The following SEC61B variants were observed in gnomAD, a reference collection of about 807,000 sequenced individuals.
SEC61B encodes SEC61 translocon subunit beta.
Under a neutral mutation model 12.6 loss-of-function variants are expected in SEC61B, and 7 were observed. That is an observed-to-expected ratio of 0.55 (90% CI 0.32 to 1.04). SEC61B has a LOEUF of 1.04. Among genes scored for constraint, SEC61B ranks in the 50% least tolerant of loss-of-function variants. The pLI is 0.05. For synonymous variants in SEC61B, 54 were observed against 50.1 expected (o/e 1.08, Z -0.33); for missense variants, 107 against 130.1 (o/e 0.82, Z 0.86).
chr9:99,225,248 A>T (rs1258236406), intron 2 of SEC61B, among the ~76,000 whole-genome samples: 1 of 152,240 alleles, frequency 6.6e-6, no homozygotes, highest in Non-Finnish European at 1.5e-5. Flanking sequence ...AAGGAAAATA[A>T]GACAATGTAA....
At chr9:99,225,592 G>C (rs2119017798) in intron 2 of SEC61B, among the ~76,000 whole-genome samples, 1 of 152,264 alleles carries the variant, frequency 6.6e-6, no homozygotes, top group South Asian at 2.1e-4. Flanking sequence ...TTACACAGTG[G>C]CCAGAAAGAA....
Position 99,222,536 on chromosome 9 carries a change from C to T in SEC61B, c.4-10C>T, listed in dbSNP as rs1416319001. ...CGCTCACCCGTCTGTCTGCTTGTCT[C>T]CCTCTACAGCCTGGTCCGACCCCCA... On this transcript the variant is annotated splice_polypyrimidine_tract_variant and intron_variant, in intron 1 of 3. Coordinates refer to ENST00000223641, the MANE Select transcript of SEC61B (RefSeq NM_006808.3). The T allele has an allele frequency of 3.8e-6, 6 of 1,595,556 alleles. No homozygotes were observed. Among genetic ancestry groups the T allele is most frequent in the South Asian group, 1.1e-5 (1 of 89,404 alleles).
chr9:99,223,550 C>T (rs891316547), intron 2 of SEC61B, among the ~76,000 whole-genome samples: 18 of 152,250 alleles, frequency 1.2e-4, no homozygotes, highest in Admixed American at 1.0e-3. Flanking sequence ...CGTGCCACCA[C>T]ACCCAGCTAA....
intron 3 of SEC61B, among the ~76,000 whole-genome samples, chr9:99,228,580 T>TC (rs747306030): frequency 5.7e-4 from 87 of 152,334 alleles, no homozygotes; most frequent in Non-Finnish European, 1.0e-3. Context: ...GGGACCCCTG[T>TC]CCCCATGCCT....
intron 2 of SEC61B, among the ~76,000 whole-genome samples, chr9:99,225,266 C>A (rs1219409341): frequency 6.6e-6 from 1 of 151,978 alleles, no homozygotes; most frequent in African/African-American, 2.4e-5. Context: ...TAATTTCAGG[C>A]AATAAGGGCT....
chr9:99,222,302 T>C lies in SEC61B; in HGVS notation c.-62T>C, dbSNP rs1828830960. 6.2e-7 allele frequency: 1 copy of C among 1,613,848 alleles called. No homozygotes were observed. The highest frequency in any genetic ancestry group is 1.1e-5 in the South Asian group (1 of 91,078). ...GAGTCAGTCTCGCCAGCTGCCGGTCTTTCGGGGGCTCCGTAACTTTCTATC... is the reference window on the plus strand; with the variant it reads ...GAGTCAGTCTCGCCAGCTGCCGGTCCTTCGGGGGCTCCGTAACTTTCTATC... On this transcript the variant is annotated 5_prime_UTR_variant, in exon 1 of 4. Transcript: ENST00000223641.
At chr9:99,228,428 C>T (rs895748109) in intron 3 of SEC61B, among the ~76,000 whole-genome samples, 1 of 152,210 alleles carries the variant, frequency 6.6e-6, no homozygotes, top group Non-Finnish European at 1.5e-5. Flanking sequence ...GAGGTTTTCC[C>T]ATTAGGCTGT....
intron 2 of SEC61B, among the ~76,000 whole-genome samples, chr9:99,227,571 C>G (rs1158520067): frequency 6.6e-6 from 1 of 152,164 alleles, no homozygotes; most frequent in Non-Finnish European, 1.5e-5. Flanking sequence ...TGCAGATGGG[C>G]TCCAGGGTCA....
chr9:99,225,107 A>G (rs2119017158), intron 2 of SEC61B, among the ~76,000 whole-genome samples: 1 of 152,372 alleles, frequency 6.6e-6, no homozygotes, highest in South Asian at 2.1e-4. Context: ...ATAGCCACCA[A>G]TGTATAGACA....
chr9:99,222,293 C>G lies in SEC61B; in HGVS notation c.-71C>G, dbSNP rs1828830693. ...GCGGGGCCTGAGTCAGTCTCGCCAG[C>G]TGCCGGTCTTTCGGGGGCTCCGTAA... On this transcript the variant is annotated 5_prime_UTR_variant, in exon 1 of 4. Transcript: ENST00000223641. 27 of 1,611,700 alleles carry G rather than the reference C, an allele frequency of 1.7e-5. 1 individual carries two copies. The South Asian group carries it at 2.6e-4, about 16-fold the overall frequency.
At chr9:99,230,177 T>C (rs1013396750) in intron 3 of SEC61B, among the ~76,000 whole-genome samples, 160 bp from the exon 4 acceptor site, 2 of 152,220 alleles carry the variant, frequency 1.3e-5, no homozygotes, top group Non-Finnish European at 2.9e-5. Context: ...TCCACAATAA[T>C]AATTTTAGAA....
intron 2 of SEC61B, chr9:99,223,192 C>T (rs1450225663): frequency 6.6e-6 from 1 of 152,218 alleles, no homozygotes; most frequent in Non-Finnish European, 1.5e-5. Flanking sequence ...TAAGCTCTTT[C>T]CTTTTCCCTT....
At chr9:99,230,267 A>G (rs1828944441) in intron 3 of SEC61B, 70 bp from the exon 4 acceptor site, 4 of 945,772 alleles carry the variant, frequency 4.2e-6, no homozygotes, top group East Asian at 2.7e-5. Flanking sequence ...CCCCTAGGCA[A>G]TCTTTAGTAT....
chr9:99,223,492 C>A (rs185372179), intron 2 of SEC61B, among the ~76,000 whole-genome samples: 366 of 151,836 alleles, frequency 2.4e-3, no homozygotes, highest in Middle Eastern at 0.01. Flanking sequence ...CTCCAGAGTT[C>A]AAGCAATTCT....
At chr9:99,227,265 C>CAAAAAAAA (rs59719935) in intron 2 of SEC61B, among the ~76,000 whole-genome samples, 4 of 10,740 alleles carry the variant, frequency 3.7e-4, no homozygotes, top group Non-Finnish European at 5.9e-4. Context: ...AACTCCATCT[C>CAAAAAAAA]AAAAAAAAAA....
At position 99,228,036 on chromosome 9, in the gene SEC61B, G is replaced by A. The variant is rs182809166; in HGVS notation, c.203+36G>A. 4,953 of 1,528,216 alleles carry A rather than the reference G, an allele frequency of 3.2e-3. 17 individuals carry two copies. The highest frequency in any genetic ancestry group is 4.1e-3 in the Non-Finnish European group (4,491 of 1,104,742). 94.7% of individuals were successfully genotyped at this position (1,528,216 alleles called of 1,614,324 possible). A position where few individuals can be genotyped will look rare whatever the true frequency, so the allele number is the denominator to read the frequency against. ...GGAACAGTCCTTGTGTTTCTGTCCA[G>A]TGGCAGCAGAGCAGCAGTGGCAGCA... On this transcript the variant is annotated intron_variant, in intron 3 of 3. Coordinates refer to ENST00000223641, the MANE Select transcript of SEC61B (RefSeq NM_006808.3).
At chr9:99,227,607 T>C (rs1828913787) in intron 2 of SEC61B, among the ~76,000 whole-genome samples, 1 of 152,208 alleles carries the variant, frequency 6.6e-6, no homozygotes, top group African/African-American at 2.4e-5. Context: ...ACCTGTTGGC[T>C]GCAGGGTCTT....
At chr9:99,229,633 C>G (rs1564230481) in intron 3 of SEC61B, among the ~76,000 whole-genome samples, 1 of 152,144 alleles carries the variant, frequency 6.6e-6, no homozygotes, top group Non-Finnish European at 1.5e-5. Context: ...GAGAGAACAT[C>G]TGTAGCCCAT....
rs754570997 is a variant in SEC61B at position 99,222,559 on chromosome 9, C to G, written c.17C>G (p.Pro6Arg). The change falls in exon 2 of 4, where the codon CCC becomes CGC. Residue 6 changes from proline (P) to arginine (R), a missense_variant. Physicochemically the swap from Pro to Arg is moderately radical, Grantham distance 103 (BLOSUM62 -2). Transcript: ENST00000223641. Reference sequence around the variant, plus strand: ...CTCCCTCTACAGCCTGGTCCGACCCCCAGTGGCACTAACGTGGGATCCTCA... The same window carrying G: ...CTCCCTCTACAGCCTGGTCCGACCCGCAGTGGCACTAACGTGGGATCCTCA... MPGPTPSGTNVGSSGR... is the reference protein window; with the variant it reads MPGPTRSGTNVGSSGR... 2 of 1,579,360 alleles carry G rather than the reference C, an allele frequency of 1.3e-6. No individual in the cohort carries two copies. Among genetic ancestry groups the G allele is most frequent in the Non-Finnish European group, 1.7e-6 (2 of 1,162,806 alleles).
Sources: allele counts gnomAD v4.1 joint callset (sites outside exome capture counted in the v4.1 genomes callset), GRCh38; gene constraint gnomAD v4.1.1; transcripts MANE v1.5; gene names NCBI Gene and HGNC (gene_info 2026-07-23, HGNC 2026-07-21).